The following RGS10 variants were observed in gnomAD, a reference collection of about 807,000 sequenced individuals.
The protein encoded by RGS10 is regulator of G-protein signalling 10.
Under a neutral mutation model 23.5 loss-of-function variants are expected in RGS10, and 11 were observed. The observed-to-expected ratio is 0.47, with a 90% CI of 0.29 to 0.77. The LOEUF is 0.77. Among genes scored for constraint, RGS10 ranks in the 30% least tolerant of loss-of-function variants. The pLI is 0.08. For synonymous variants in RGS10, 77 were observed against 83.2 expected, an observed-to-expected ratio of 0.92 and a Z score of 0.41; for missense variants, 180 against 226.3, an observed-to-expected ratio of 0.80 and a Z score of 1.31.
rs1843935089 is a variant in RGS10, at chr10:119,500,126, A to C, written c.533T>G (p.Ile178Ser). 1 of 1,613,686 alleles carries C rather than the reference A, an allele frequency of 6.2e-7. No individual in the cohort carries two copies. Among genetic ancestry groups the C allele is most frequent in the Non-Finnish European group, 8.5e-7 (1 of 1,179,920 alleles). The stretch of plus-strand genomic sequence containing the variant: ...CTTTTTGGGGGCTCATGTGTTATAA[A>C]TTCTGGAAGCTCTTTTAGCTGCAGT... ...AQTAAKRASRIYNT is the reference protein window; with the variant it reads ...AQTAAKRASRSYNT Residue 178 changes from isoleucine (I) to serine (S), a missense_variant, in exon 5 of 5, where the codon ATT becomes AGT. Transcript: ENST00000369103.
At chr10:119,507,882 G>A (rs1239793789) in intron 4 of RGS10, among the ~76,000 whole-genome samples, 2 of 151,940 alleles carry the variant, frequency 1.3e-5, no homozygotes, top group Admixed American at 6.6e-5. Context: ...AAGCACCAGA[G>A]GCTGAGGACT....
intron 4 of RGS10, among the ~76,000 whole-genome samples, chr10:119,509,345 T>G (rs1461312303): frequency 6.6e-6 from 1 of 151,932 alleles, no homozygotes; most frequent in Non-Finnish European, 1.5e-5. Context: ...TCCCAACACT[T>G]TGGGAGGTCA....
chr10:119,523,007 A>ATT (rs10707569), intron 3 of RGS10, among the ~76,000 whole-genome samples: 1 of 142,388 alleles, frequency 7.0e-6, no homozygotes, highest in Non-Finnish European at 1.5e-5. Context: ...TGTCTAGCTA[A>ATT]TTTTTTTTTT....
At chr10:119,522,337 G>A (rs1036889662) in intron 3 of RGS10, among the ~76,000 whole-genome samples, 1 of 152,228 alleles carries the variant, frequency 6.6e-6, no homozygotes, top group Non-Finnish European at 1.5e-5. Context: ...TTGATGGAGA[G>A]AGAAAAATCC....
chr10:119,508,346 G>A (rs1334365672), intron 4 of RGS10, among the ~76,000 whole-genome samples: 5 of 152,158 alleles, frequency 3.3e-5, no homozygotes, highest in Admixed American at 6.5e-5. Context: ...GATATTCATG[G>A]AAGAAGAATG....
At position 119,527,230 on chromosome 10, in the gene RGS10, G is replaced by A. The variant is rs1844285202; in HGVS notation, c.168+76C>T. ...TACGCTGACAGACAATGTTGAACTG[G>A]CCTATTTCTCCCCTGTGTGCATCTG... On this transcript the variant is annotated intron_variant, in intron 2 of 4. Coordinates refer to ENST00000369103, the MANE Select transcript of RGS10 (RefSeq NM_001005339.2). This position sits in a 1 kb window ranked among gnomAD's most constrained non-coding sequence, Gnocchi z 4.2. 9.0e-6 allele frequency: 9 copies of A among 1,003,304 alleles called. 1 individual carries two copies. The Admixed American group carries it at 1.7e-4, about 19-fold the overall frequency. The allele number at this position is 1,003,304 out of a possible 1,614,324, so 62.2% of individuals were successfully genotyped here.
intron 1 of RGS10, among the ~76,000 whole-genome samples, chr10:119,528,876 ATC>A (rs1844306151): frequency 6.8e-6 from 1 of 146,022 alleles, no homozygotes; most frequent in Non-Finnish European, 1.5e-5. Context: ...ATAAATAAAT[ATC>A]ATTATCCTGA....
At chr10:119,500,471 A>G (rs1325049737) in intron 4 of RGS10, among the ~76,000 whole-genome samples, 1 of 152,150 alleles carries the variant, frequency 6.6e-6, no homozygotes, top group Non-Finnish European at 1.5e-5. Flanking sequence ...GAATATATAG[A>G]CAGTCACATG....
intron 4 of RGS10, among the ~76,000 whole-genome samples, chr10:119,503,692 CA>C (rs1843977764): frequency 6.6e-6 from 1 of 152,136 alleles, no homozygotes; most frequent in African/African-American, 2.4e-5. Context: ...GCTAGAAGTC[CA>C]AGTCAAGGTG....
rs1340903728 is a variant in RGS10, at chr10:119,517,673, C to T, written c.256-2021G>A. 6.6e-6 allele frequency among the ~76,000 whole-genome samples: 1 copy of T among 152,170 alleles called. No homozygotes were observed. Among genetic ancestry groups the T allele is most frequent in the Non-Finnish European group, 1.5e-5 (1 of 68,022 alleles). On this transcript the variant is annotated intron_variant, in intron 3 of 4. Coordinates refer to ENST00000369103, the MANE Select transcript of RGS10 (RefSeq NM_001005339.2). The surrounding 1 kb of genome is among the most constrained non-coding windows in gnomAD (Gnocchi z 5.0). ...CCCTCCTCCCCTTGACATTCACACG[C>T]ACACACACACGCACACACGTGCACA...
At chr10:119,518,973 T>G (rs1844177850) in intron 3 of RGS10, among the ~76,000 whole-genome samples, 1 of 152,226 alleles carries the variant, frequency 6.6e-6, no homozygotes, top group Non-Finnish European at 1.5e-5. Flanking sequence ...CCCAAAGTGC[T>G]AGGATTACAG....
chr10:119,509,728 C>A (rs928545233), intron 4 of RGS10, among the ~76,000 whole-genome samples: 5 of 152,172 alleles, frequency 3.3e-5, no homozygotes, highest in African/African-American at 1.2e-4. Context: ...CTTGGCAGCG[C>A]AGCTCAGAGA....
rs186594268 is a variant in RGS10, at chr10:119,514,502, A to G, written c.399+1007T>C. Among the ~76,000 whole-genome samples, 26 of 152,022 alleles carry G rather than the reference A, an allele frequency of 1.7e-4. 1 individual carries two copies. The highest frequency in any genetic ancestry group is 6.3e-4 in the African/African-American group (26 of 41,450). Reference sequence around the variant, plus strand: ...GTGAAACCCTGTCTCTACTAAAAATACAAAAATTAACTGTGTGTGGTGGTG... The same window carrying G: ...GTGAAACCCTGTCTCTACTAAAAATGCAAAAATTAACTGTGTGTGGTGGTG... On this transcript the variant is annotated intron_variant, in intron 4 of 4. Coordinates refer to ENST00000369103, the MANE Select transcript of RGS10 (RefSeq NM_001005339.2).
intron 1 of RGS10, among the ~76,000 whole-genome samples, chr10:119,537,346 C>T (rs1674817646): frequency 1.3e-5 from 2 of 149,428 alleles, no homozygotes; most frequent in South Asian, 2.1e-4. Flanking sequence ...TGCGCCATTG[C>T]ACTCCAGCGT....
At chr10:119,506,171 C>T (rs749934692) in intron 4 of RGS10, among the ~76,000 whole-genome samples, 6 of 152,136 alleles carry the variant, frequency 3.9e-5, no homozygotes, top group Admixed American at 2.0e-4. Flanking sequence ...ACGAGGCTGT[C>T]GGGGCAAGGC....
intron 1 of RGS10, among the ~76,000 whole-genome samples, chr10:119,528,472 ACT>A (rs1844301073): frequency 6.6e-6 from 1 of 151,866 alleles, no homozygotes; most frequent in Non-Finnish European, 1.5e-5. Context: ...TCAGCATCAC[ACT>A]GTTATTTTTC....
chr10:119,511,807 G>A (rs1468405629), intron 4 of RGS10, among the ~76,000 whole-genome samples: 2 of 152,064 alleles, frequency 1.3e-5, no homozygotes, highest in Non-Finnish European at 2.9e-5. Context: ...CCAGGCTCAG[G>A]CCTCGGTGCT....
At chr10:119,500,358 T>C (rs1242658173) in intron 4 of RGS10, 99 bp from the exon 5 acceptor site, 2 of 1,064,488 alleles carry the variant, frequency 1.9e-6, no homozygotes, top group Non-Finnish European at 2.7e-6. Context: ...TGCCAAAGAA[T>C]ACTAACATGT....
At chr10:119,536,412 C>A in intron 1 of RGS10, 1 of 1,574,886 alleles carries the variant, frequency 6.3e-7, no homozygotes. Context: ...CGCCCAGGGC[C>A]AAGGCGACAG....
Sources: gnomAD v4.1 joint callset for allele counts (sites outside exome capture counted in the v4.1 genomes callset) on GRCh38, gnomAD v4.1.1 for gene constraint, Gnocchi (gnomAD v3.1) non-coding constraint, MANE v1.5 for transcripts, NCBI Gene and HGNC (gene_info 2026-07-23, HGNC 2026-07-21) for gene names.